PTCD2: variants seen among roughly 807,000 people sequenced by gnomAD.
The protein encoded by PTCD2 is pentatricopeptide repeat-containing protein 2, mitochondrial.
PTCD2 carries 31 observed loss-of-function variants against 42.6 expected under a neutral mutation model. The ratio of observed to expected loss-of-function variants is 0.73; its 90% CI spans 0.55 to 0.98. The LOEUF (loss-of-function observed/expected upper bound fraction) is 0.98, where lower values mean the gene tolerates loss of function less well. Ranked by LOEUF, PTCD2 falls within the 50% of genes least tolerant of loss-of-function variation. The pLI is 0.00. For synonymous variants in PTCD2, 183 were observed against 170.9 expected (o/e 1.07, Z -0.55); for missense variants, 476 against 454.8 (o/e 1.05, Z -0.42).
intron 4 of PTCD2, 98 bp from the exon 5 acceptor site, chr5:72,334,920 G>T: frequency 1.4e-6 from 1 of 728,984 alleles, no homozygotes; most frequent in Non-Finnish European, 2.4e-6. Flanking sequence ...AGTAAAGCAT[G>T]CAGAATAATA....
At position 72,356,171 on chromosome 5, in the gene PTCD2, G is replaced by A. The variant is rs114459748; in HGVS notation, c.943-2032G>A. 5.1e-3 allele frequency among the ~76,000 whole-genome samples: 774 copies of A among 152,324 alleles called. 8 individuals carry two copies. The highest frequency in any genetic ancestry group is 0.017 in the African/African-American group (687 of 41,562). On this transcript the variant is annotated intron_variant, in intron 9 of 9. Coordinates refer to ENST00000380639, the MANE Select transcript of PTCD2 (RefSeq NM_024754.5). ...AACAGATTTTAAAGTGCATAGTCAC[G>A]TGTGTATGTGTACATGTGAAATCCA...
chr5:72,339,497 C>G (rs1160991475), intron 7 of PTCD2, among the ~76,000 whole-genome samples: 7 of 152,096 alleles, frequency 4.6e-5, no homozygotes, highest in African/African-American at 1.7e-4. Context: ...GATGCATTTC[C>G]ATATACTGCT....
At chr5:72,328,126 C>T (rs767825303) in intron 3 of PTCD2, among the ~76,000 whole-genome samples, 6 of 152,150 alleles carry the variant, frequency 3.9e-5, no homozygotes, top group Non-Finnish European at 5.9e-5. Flanking sequence ...ACAACCCACA[C>T]CAGAACTTAA....
rs201569667 is a variant in PTCD2, at chr5:72,367,949, C to T, written c.*9522C>T. ...TGAGTGGCTCTGGGCTCCTATACCC[C>T]TTTCATTCCACAGCCTGTGATACAC... On this transcript the variant is annotated 3_prime_UTR_variant, in exon 10 of 10. Transcript: ENST00000380639. 6.6e-6 allele frequency: 1 copy of T among 152,218 alleles called. No homozygotes were observed. The highest frequency in any genetic ancestry group is 1.5e-5 in the Non-Finnish European group (1 of 68,046). The allele number at this position is 152,218 out of a possible 1,614,324, so 9.4% of individuals were successfully genotyped here.
chr5:72,347,151 G>C (rs1160852290), intron 8 of PTCD2, among the ~76,000 whole-genome samples: 1 of 151,908 alleles, frequency 6.6e-6, no homozygotes, highest in African/African-American at 2.4e-5. Context: ...CAGAGTCAGG[G>C]TTTTAACACC....
At chr5:72,339,371 T>G (rs186728136) in intron 7 of PTCD2, among the ~76,000 whole-genome samples, 1 of 152,178 alleles carries the variant, frequency 6.6e-6, no homozygotes, top group Admixed American at 6.5e-5. Flanking sequence ...ATGTTTCCTA[T>G]GTAGTAAAAG....
intron 8 of PTCD2, among the ~76,000 whole-genome samples, chr5:72,350,724 A>G (rs529905310): frequency 6.6e-6 from 1 of 152,174 alleles, no homozygotes; most frequent in Non-Finnish European, 1.5e-5. Flanking sequence ...ACCAAAGACA[A>G]CCCCTCATCC....
chr5:72,328,561 G>A (rs1254747998), intron 3 of PTCD2, among the ~76,000 whole-genome samples: 1 of 152,102 alleles, frequency 6.6e-6, no homozygotes, highest in Non-Finnish European at 1.5e-5. Context: ...AGAAATTGAT[G>A]GCAGCCATCT....
Position 72,358,758 on chromosome 5 carries a change from G to C in PTCD2, c.*331G>C. ...CCATCAGGAATGAATTTCACTACAA[G>C]TGTGGATAACTCTGATTTTCAAAGG... On this transcript the variant is annotated 3_prime_UTR_variant, in exon 10 of 10. Transcript: ENST00000380639. 1 of 316,024 alleles carries C rather than the reference G, an allele frequency of 3.2e-6. No homozygotes were observed. Among genetic ancestry groups the C allele is most frequent in the Non-Finnish European group, 6.0e-6 (1 of 167,970 alleles). 19.6% of individuals were successfully genotyped at this position (316,024 alleles called of 1,614,324 possible). A position where few individuals can be genotyped will look rare whatever the true frequency, so the allele number is the denominator to read the frequency against.
chr5:72,322,041 A>G (rs1750885004), intron 1 of PTCD2, 131 bp from the exon 2 acceptor site: 2 of 572,488 alleles, frequency 3.5e-6, no homozygotes, highest in South Asian at 4.0e-5. Context: ...TACAGTTTGT[A>G]CAGTTATATT....
intron 9 of PTCD2, among the ~76,000 whole-genome samples, chr5:72,353,837 C>T (rs1752736165): frequency 1.3e-5 from 2 of 152,004 alleles, no homozygotes; most frequent in South Asian, 4.2e-4. Context: ...ATACCACAAA[C>T]CAGGATACAT....
chr5:72,328,238 C>G (rs1294239394), intron 3 of PTCD2, among the ~76,000 whole-genome samples: 2 of 152,242 alleles, frequency 1.3e-5, no homozygotes, highest in African/African-American at 2.4e-5. Context: ...GATGAAGCCA[C>G]TCACTCATCT....
intron 6 of PTCD2, among the ~76,000 whole-genome samples, chr5:72,337,164 A>G (rs756975488): frequency 1.3e-5 from 2 of 152,104 alleles, no homozygotes; most frequent in Non-Finnish European, 2.9e-5. Context: ...AACTTTTTTT[A>G]TGAAAAGCTA....
Position 72,343,874 on chromosome 5 carries a change from T to C in PTCD2, c.828+838T>C, listed in dbSNP as rs75961307. Among the ~76,000 whole-genome samples, 1,280 of 152,298 alleles carry C rather than the reference T, an allele frequency of 8.4e-3. 18 individuals are homozygous for C. Among genetic ancestry groups the C allele is most frequent in the African/African-American group, 0.03 (1,228 of 41,550 alleles). ...GCCCATATTGAGACTCCTTGTATAC[T>C]GTGTCTACTTGTGTGGGGGGAGTTG... On this transcript the variant is annotated intron_variant, in intron 8 of 9. Transcript: ENST00000380639.
intron 9 of PTCD2, among the ~76,000 whole-genome samples, chr5:72,353,265 C>T (rs778037670): frequency 1.6e-4 from 25 of 152,200 alleles, no homozygotes; most frequent in Non-Finnish European, 3.2e-4. Flanking sequence ...TGACCCACTC[C>T]ACAGCATCAG....
intron 7 of PTCD2, among the ~76,000 whole-genome samples, chr5:72,340,969 G>GTT (rs11297261): frequency 4.7e-5 from 6 of 127,204 alleles, no homozygotes; most frequent in Non-Finnish European, 9.9e-5. Flanking sequence ...TTTCTTTTCT[G>GTT]TTTTTTTTTT....
rs1309885934 is a variant in PTCD2 at position 72,320,461 on chromosome 5, C to T, written c.79C>T (p.Pro27Ser). The change falls in exon 1 of 10, where the codon CCT becomes TCT. Residue 27 changes from proline to serine, a missense_variant. By Grantham distance (74) the Pro-to-Ser change is moderately conservative (BLOSUM62 -1). Coordinates refer to ENST00000380639, the MANE Select transcript of PTCD2 (RefSeq NM_024754.5). ...GCAGGCGCTGCAGATTTTGGTGTAT[C>T]CTGGGGTGGGAGGCTCCGGCTCTGT... ...LLQALQILVY[P>S]GVGGSGSVSC... 5 of 1,614,098 alleles carry T rather than the reference C, an allele frequency of 3.1e-6. No individual in the cohort carries two copies. The highest frequency in any genetic ancestry group is 4.2e-6 in the Non-Finnish European group (5 of 1,180,022).
In PTCD2 at chr5:72,362,975, A is replaced by G. The variant is rs1405981627; in HGVS notation, c.*4548A>G. On this transcript the variant is annotated 3_prime_UTR_variant, in exon 10 of 10. Coordinates refer to ENST00000380639, the MANE Select transcript of PTCD2 (RefSeq NM_024754.5). ...ATTCAGGAAATAAATACAAACTTTTAACTACTCATAATGAATATTGTTGGG... is the reference window on the plus strand; with the variant it reads ...ATTCAGGAAATAAATACAAACTTTTGACTACTCATAATGAATATTGTTGGG... 1 of 152,206 alleles carries G rather than the reference A, an allele frequency of 6.6e-6. No individual in the cohort carries two copies. The highest frequency in any genetic ancestry group is 1.5e-5 in the Non-Finnish European group (1 of 68,042). The allele number at this position is 152,206 out of a possible 1,614,324, so 9.4% of individuals were successfully genotyped here.
At chr5:72,326,249 TC>T (rs1159575435) in intron 2 of PTCD2, among the ~76,000 whole-genome samples, 5 of 152,198 alleles carry the variant, frequency 3.3e-5, no homozygotes, top group African/African-American at 1.2e-4. Context: ...TTCTCATGAG[TC>T]ACCTAGAGAT....
Sources: gnomAD v4.1 joint callset for allele counts (sites outside exome capture counted in the v4.1 genomes callset) on GRCh38, gnomAD v4.1.1 for gene constraint, MANE v1.5 for transcripts, NCBI Gene and HGNC (gene_info 2026-07-23, HGNC 2026-07-21) for gene names.